Variants in NELL2 observed in about 807,000 individuals in gnomAD.
The protein encoded by NELL2 is neural EGFL like 2, also known as protein kinase C-binding protein NELL2.
In NELL2, 41 loss-of-function variants were observed where a neutral mutation model predicts 109.6. That is an observed-to-expected ratio of 0.37 (90% CI 0.29 to 0.49). The LOEUF (loss-of-function observed/expected upper bound fraction) is 0.49, where lower values mean the gene tolerates loss of function less well. NELL2 is among the 20% of genes least tolerant of loss of function. The pLI is 0.98. For missense variants in NELL2, 900 were observed against 1,008.3 expected (o/e 0.89, Z 1.45); for synonymous variants, 355 against 344.7 (o/e 1.03, Z -0.33).
chr12:44,901,807 A>C (rs1945663699), intron 1 of NELL2, among the ~76,000 whole-genome samples: 1 of 152,208 alleles, frequency 6.6e-6, no homozygotes, highest in Non-Finnish European at 1.5e-5. Flanking sequence ...AAACCACATG[A>C]TTATCTCAAT....
chr12:44,850,108 T>G (rs1055079576), intron 2 of NELL2, among the ~76,000 whole-genome samples: 3 of 152,154 alleles, frequency 2.0e-5, no homozygotes, highest in African/African-American at 7.2e-5. Flanking sequence ...CACTCAAGAT[T>G]TGTGCATTTA....
intron 10 of NELL2, among the ~76,000 whole-genome samples, chr12:44,712,342 G>A (rs1285972089): frequency 6.6e-6 from 1 of 151,932 alleles, no homozygotes; most frequent in African/African-American, 2.4e-5. Context: ...CAAATCATAA[G>A]CTCTTGTCAA....
At chr12:44,665,755 T>A in intron 12 of NELL2, 146 bp from the exon 13 acceptor site, 2 of 924,634 alleles carry the variant, frequency 2.2e-6, no homozygotes, top group East Asian at 2.7e-5. Context: ...GCTAGGAGTG[T>A]TTAATGTTCA....
At chr12:44,620,337 G>C in intron 13 of NELL2, among the ~76,000 whole-genome samples, 1 of 152,090 alleles carries the variant, frequency 6.6e-6, no homozygotes, top group Middle Eastern at 3.4e-3. Flanking sequence ...CAAAATGACT[G>C]GCACAAAATT....
intron 2 of NELL2, among the ~76,000 whole-genome samples, chr12:44,841,117 A>AT (rs1405206631): frequency 6.6e-6 from 1 of 152,246 alleles, no homozygotes; most frequent in Non-Finnish European, 1.5e-5. Context: ...ACACTCGGCA[A>AT]TATCTCAGAA....
intron 12 of NELL2, among the ~76,000 whole-genome samples, chr12:44,667,407 T>G (rs1947958842): frequency 4.6e-5 from 7 of 152,194 alleles, no homozygotes; most frequent in Non-Finnish European, 1.5e-5. Flanking sequence ...ATAGTAAATT[T>G]TCTAGACTTT....
chr12:44,601,352 C>T (rs548294586), intron 15 of NELL2, among the ~76,000 whole-genome samples: 58 of 152,186 alleles, frequency 3.8e-4, no homozygotes, highest in Admixed American at 1.0e-3. Flanking sequence ...ACACTAAGAA[C>T]TTTTGACTAC....
intron 9 of NELL2, among the ~76,000 whole-genome samples, chr12:44,719,862 C>T (rs1442786071): frequency 6.6e-6 from 1 of 152,070 alleles, no homozygotes; most frequent in Non-Finnish European, 1.5e-5. Context: ...AACTCATTAA[C>T]TATAATTATG....
chr12:44,776,941 TA>T, intron 7 of NELL2, 100 bp downstream of exon 7: 1 of 993,370 alleles, frequency 1.0e-6, no homozygotes, highest in Non-Finnish European at 1.6e-6. Context: ...CAGTATAGTA[TA>T]AGAAGAGCCT....
chr12:44,542,395 G>C (rs1189528096), intron 15 of NELL2, among the ~76,000 whole-genome samples: 1 of 150,086 alleles, frequency 6.7e-6, no homozygotes, highest in African/African-American at 2.5e-5. Flanking sequence ...AATTCTTAGT[G>C]ATTTCATTTA....
chr12:44,606,558 T>C (rs1945409216), intron 15 of NELL2, among the ~76,000 whole-genome samples: 1 of 152,156 alleles, frequency 6.6e-6, no homozygotes, highest in Non-Finnish European at 1.5e-5. Context: ...TTGGACAACG[T>C]ATTTTACTTT....
chr12:44,651,310 C>T (rs920195115), intron 13 of NELL2, among the ~76,000 whole-genome samples: 2 of 152,184 alleles, frequency 1.3e-5, no homozygotes, highest in African/African-American at 2.4e-5. Flanking sequence ...AAATCCAAAG[C>T]TATTGAAAGC....
chr12:44,910,510 G>T (rs1001703557), intron 1 of NELL2, among the ~76,000 whole-genome samples: 1 of 151,986 alleles, frequency 6.6e-6, no homozygotes. Context: ...CTGTTGGTGG[G>T]AATGTAAATT....
At chr12:44,887,676 TTTG>T (rs959856408) in intron 1 of NELL2, among the ~76,000 whole-genome samples, 25 of 150,830 alleles carry the variant, frequency 1.7e-4, no homozygotes, top group Admixed American at 5.9e-4. Flanking sequence ...TGTTGTTGTT[TTTG>T]TTGTTGTTGT....
intron 9 of NELL2, among the ~76,000 whole-genome samples, chr12:44,747,988 G>A (rs1361405558): frequency 1.3e-5 from 2 of 152,146 alleles, no homozygotes; most frequent in East Asian, 3.8e-4. Context: ...TTGCATCAGA[G>A]TCCAGGCTTT....
chr12:44,777,576 T>C (rs1025898009), intron 5 of NELL2, among the ~76,000 whole-genome samples: 4 of 152,300 alleles, frequency 2.6e-5, no homozygotes, highest in South Asian at 2.1e-4. Context: ...TAAGAGGCAA[T>C]AGTTATGTTG....
chr12:44,745,072 G>A (rs893927017), intron 9 of NELL2, among the ~76,000 whole-genome samples: 13 of 152,234 alleles, frequency 8.5e-5, no homozygotes, highest in Non-Finnish European at 1.8e-4. Flanking sequence ...CTGGCAAACC[G>A]AATCCAGCAG....
chr12:44,744,770 G>A (rs150797474), intron 9 of NELL2, among the ~76,000 whole-genome samples: 3,068 of 152,266 alleles, frequency 0.02, 101 homozygotes, highest in African/African-American at 0.069. Flanking sequence ...TTGAATCTCT[G>A]AATAGACCAA....
rs1189109059 is a variant in NELL2 at position 44,777,615 on chromosome 12, T to C, written c.607-301A>G. On this transcript the variant is annotated intron_variant, in intron 5 of 19. Coordinates refer to ENST00000429094, the MANE Select transcript of NELL2 (RefSeq NM_001145108.2). Reference sequence around the variant, plus strand: ...TGAGAAGTTATTTTTAGTTAGCCACTGACGGGCTTGAAAATGACCTTTAAA... The same window carrying C: ...TGAGAAGTTATTTTTAGTTAGCCACCGACGGGCTTGAAAATGACCTTTAAA... Among the ~76,000 whole-genome samples, 11 of 152,214 alleles carry C rather than the reference T, an allele frequency of 7.2e-5. No homozygotes were observed. The South Asian group carries it at 1.7e-3, about 23-fold the overall frequency.
Sources: allele counts gnomAD v4.1 joint callset (sites outside exome capture counted in the v4.1 genomes callset), GRCh38; gene constraint gnomAD v4.1.1; transcripts MANE v1.5; gene names NCBI Gene and HGNC (gene_info 2026-07-23, HGNC 2026-07-21).